SARDH: variants seen among roughly 807,000 people sequenced by gnomAD.
The protein encoded by SARDH is sarcosine dehydrogenase, mitochondrial.
SARDH carries 95 observed loss-of-function variants against 109.1 expected under a neutral mutation model. The observed-to-expected ratio is 0.87, with a 90% CI of 0.74 to 1.03. The LOEUF (loss-of-function observed/expected upper bound fraction) is 1.03. SARDH is among the 50% of genes least tolerant of loss of function. The pLI is 0.00. For missense variants in SARDH, 1,267 were observed against 1,287.8 expected, an observed-to-expected ratio of 0.98 and a Z score of 0.25; for synonymous variants, 572 against 534.8, an observed-to-expected ratio of 1.07 and a Z score of -0.96.
In SARDH at chr9:133,733,899, C is replaced by T. The variant is rs769779197; in HGVS notation, c.275G>A (p.Gly92Glu). The T allele has an allele frequency of 7.8e-6, 12 of 1,536,856 alleles. No individual in the cohort carries two copies. Among genetic ancestry groups the T allele is most frequent in the Non-Finnish European group, 1.1e-5 (12 of 1,141,528 alleles). Residue 92 changes from glycine to glutamate, a missense_variant, in exon 2 of 21, where the codon GGG becomes GAG. By Grantham distance (98) the Gly-to-Glu change is moderately conservative. Transcript: ENST00000439388. ...LYHLAKLGMS[G>E]AVLLERERLT... is the part of the protein sequence containing the mutation. ...CCGCTCCCGCTCCAGCAGCACCGCC[C>T]CACTCATGCCCAGCTTGGCCAGGTG...
chr9:133,718,903 C>T lies in SARDH; in HGVS notation c.1020+35G>A, dbSNP rs767875120. The T allele has an allele frequency of 2.0e-6, 3 of 1,504,602 alleles. No individual in the cohort carries two copies. The highest frequency in any genetic ancestry group is 1.1e-5 in the South Asian group (1 of 88,536). 93.2% of individuals were successfully genotyped at this position (1,504,602 alleles called of 1,614,324 possible). ...TCTCCATGCTGAGATGCAGCCCCAA[C>T]TCCCTCCCATTATCCCAGGGCCCTG... On this transcript the variant is annotated intron_variant, in intron 7 of 20. Transcript: ENST00000439388. The surrounding 1 kb of genome is among the most constrained non-coding windows in gnomAD (Gnocchi z 4.2).
rs867099580 is a variant in SARDH at position 133,711,279 on chromosome 9, A to G, written c.1328+1340T>C. Among the ~76,000 whole-genome samples the G allele has an allele frequency of 7.9e-5, 12 of 152,340 alleles. 1 individual carries two copies. Among genetic ancestry groups the G allele is most frequent in the African/African-American group, 2.2e-4 (9 of 41,574 alleles). On this transcript the variant is annotated intron_variant, in intron 10 of 20. Coordinates refer to ENST00000439388, the MANE Select transcript of SARDH (RefSeq NM_001134707.2). The stretch of plus-strand genomic sequence containing the variant: ...CACAGAACCCTGGTTGGTGGGTTCC[A>G]GAGCTGGAATCCCCAAGGGAGGCCA...
chr9:133,684,210 G>A (rs1322164244), intron 17 of SARDH, among the ~76,000 whole-genome samples: 1 of 152,240 alleles, frequency 6.6e-6, no homozygotes, highest in African/African-American at 2.4e-5. Context: ...CTGTCACGAC[G>A]GTGGGTGCCA....
chr9:133,713,708 GGGAACCCT>G (rs1832016400), intron 8 of SARDH, among the ~76,000 whole-genome samples: 1 of 152,216 alleles, frequency 6.6e-6, no homozygotes, highest in Non-Finnish European at 1.5e-5. Flanking sequence ...ACGGTGGGAG[GGGAACCCT>G]GGCTCTCTGT....
rs185411632 is a variant in SARDH, at chr9:133,722,713, C to T, written c.916-3671G>A. On this transcript the variant is annotated intron_variant, in intron 6 of 20. Transcript: ENST00000439388. The stretch of plus-strand genomic sequence containing the variant: ...TCTTTCTGACAGAGTCCTGCTCTAT[C>T]GCCCAGGCTAGAGTGCAGTGGTGCC... Among the ~76,000 whole-genome samples the T allele has an allele frequency of 9.5e-4, 144 of 152,006 alleles. 2 individuals are homozygous for T. The highest frequency in any genetic ancestry group is 3.4e-3 in the African/African-American group (141 of 41,430).
chr9:133,670,433 G>T, intron 19 of SARDH, 151 bp downstream of exon 19: 1 of 790,978 alleles, frequency 1.3e-6, no homozygotes, highest in Non-Finnish European at 2.0e-6. Flanking sequence ...TTCCTTATCT[G>T]CAGTGGGCTG....
chr9:133,671,489 C>T, intron 18 of SARDH, 46 bp downstream of exon 18: 3 of 1,516,452 alleles, frequency 2.0e-6, no homozygotes, highest in East Asian at 2.5e-5. Flanking sequence ...TCACTGCCCC[C>T]CACTGCGCCC....
intron 1 of SARDH, among the ~76,000 whole-genome samples, chr9:133,734,460 CTCATTCAT>C (rs1007358894): frequency 6.8e-6 from 1 of 146,970 alleles, no homozygotes; most frequent in East Asian, 1.9e-4. Context: ...CATTCATTCA[CTCATTCAT>C]TCATTCATTC....
In SARDH at chr9:133,712,600, G is replaced by T; in HGVS notation, c.1328+19C>A. The T allele has an allele frequency of 6.2e-7, 1 of 1,600,554 alleles. No individual in the cohort carries two copies. The highest frequency in any genetic ancestry group is 2.2e-5 in the East Asian group (1 of 44,802). On this transcript the variant is annotated intron_variant, in intron 10 of 20. Transcript: ENST00000439388. The surrounding 1 kb of genome is among the most constrained non-coding windows in gnomAD (Gnocchi z 4.1). Reference sequence around the variant, plus strand: ...TCCTGAGTGGCGGGCCCTGCCCTTAGGTCCCAATGGGCACTTACCTGATGT... The same window carrying T: ...TCCTGAGTGGCGGGCCCTGCCCTTATGTCCCAATGGGCACTTACCTGATGT...
chr9:133,663,820 G>T lies in SARDH; in HGVS notation c.*69C>A. 6.3e-7 allele frequency: 1 copy of T among 1,597,522 alleles called. No homozygotes were observed. The highest frequency in any genetic ancestry group is 8.5e-7 in the Non-Finnish European group (1 of 1,171,210). ...AGTTCTGGCTGGGTCCAGGGTCCTG[G>T]GACCCAGGGCCATTTGGGACCTGTG... On this transcript the variant is annotated 3_prime_UTR_variant, in exon 21 of 21. Transcript: ENST00000439388.
intron 11 of SARDH, among the ~76,000 whole-genome samples, 193 bp downstream of exon 11, chr9:133,708,094 C>T (rs1831765020): frequency 1.3e-5 from 2 of 152,178 alleles, no homozygotes; most frequent in Admixed American, 1.3e-4. Context: ...CCACTTTATT[C>T]CCTAATGTTC....
intron 20 of SARDH, among the ~76,000 whole-genome samples, chr9:133,665,926 C>T (rs1018332669): frequency 2.0e-5 from 3 of 152,342 alleles, no homozygotes; most frequent in East Asian, 3.9e-4. Context: ...AACGTCAGAT[C>T]GGCTCCCATG....
downstream of SARDH, among the ~76,000 whole-genome samples, chr9:133,661,151 C>T (rs1832406987): frequency 6.6e-6 from 1 of 152,058 alleles, no homozygotes; most frequent in African/African-American, 2.4e-5. Flanking sequence ...ACCAGCCTGG[C>T]CAATATGGTG....
At chr9:133,733,224 C>A (rs1832748115) in intron 2 of SARDH, among the ~76,000 whole-genome samples, 1 of 152,210 alleles carries the variant, frequency 6.6e-6, no homozygotes, top group Non-Finnish European at 1.5e-5. Flanking sequence ...CTCTTCCCAA[C>A]TCCACAGTCA....
chr9:133,707,793 G>A (rs115778998), intron 11 of SARDH, among the ~76,000 whole-genome samples: 1,676 of 152,240 alleles, frequency 0.011, 35 homozygotes, highest in African/African-American at 0.039. Flanking sequence ...AGGGCACAGG[G>A]GCAGACCTGA....
intron 6 of SARDH, among the ~76,000 whole-genome samples, chr9:133,724,532 G>A (rs1317437616): frequency 6.6e-6 from 1 of 152,150 alleles, no homozygotes; most frequent in African/African-American, 2.4e-5. Flanking sequence ...GAGGATGGAG[G>A]GGAGCTGGAA....
intron 19 of SARDH, among the ~76,000 whole-genome samples, chr9:133,670,066 C>T (rs1036958121): frequency 6.6e-6 from 1 of 152,320 alleles, no homozygotes; most frequent in Non-Finnish European, 1.5e-5. Flanking sequence ...GGGATCCTCA[C>T]GCTTGTAATC....
chr9:133,694,238 T>C lies in SARDH; in HGVS notation c.1921+20A>G, dbSNP rs2131391191. 1 of 1,516,438 alleles carries C rather than the reference T, an allele frequency of 6.6e-7. No individual in the cohort carries two copies. Among genetic ancestry groups the C allele is most frequent in the South Asian group, 1.2e-5 (1 of 83,374 alleles). 93.9% of individuals were successfully genotyped at this position (1,516,438 alleles called of 1,614,324 possible). On this transcript the variant is annotated intron_variant, in intron 15 of 20. Transcript: ENST00000439388. ...AGCAGGCCGCAGTCACAGCGCCGTG[T>C]GCACAGAGGCATCCCATACCTTCAA...
At chr9:133,664,553 A>AGCCTGGCACAGCTGGTGAC (rs1234033793) in intron 20 of SARDH, among the ~76,000 whole-genome samples, 7 of 151,628 alleles carry the variant, frequency 4.6e-5, no homozygotes. Context: ...TGTCACCTCC[A>AGCCTGGCACAGCTGGTGAC]GCCTGGCACA....
Sources: allele counts gnomAD v4.1 joint callset (sites outside exome capture counted in the v4.1 genomes callset), GRCh38; gene constraint gnomAD v4.1.1; non-coding constraint Gnocchi (gnomAD v3.1); transcripts MANE v1.5; gene names NCBI Gene and HGNC (gene_info 2026-07-23, HGNC 2026-07-21).